RPL28: variants seen among roughly 807,000 people sequenced by gnomAD.
RPL28 encodes large ribosomal subunit protein eL28.
RPL28 carries 4 observed loss-of-function variants against 12.5 expected under a neutral mutation model. The observed-to-expected ratio is 0.32, with a 90% confidence interval of 0.16 to 0.73. The LOEUF (loss-of-function observed/expected upper bound fraction) is 0.73, where lower values mean the gene tolerates loss of function less well. Among genes scored for constraint, RPL28 ranks in the 30% least tolerant of loss-of-function variants. The pLI, the probability that RPL28 is intolerant of heterozygous loss-of-function variation, is 0.66. For synonymous variants in RPL28, 91 were observed against 72.5 expected (o/e 1.26, Z -1.30); for missense variants, 214 against 197.7 (o/e 1.08, Z -0.49).
downstream of RPL28, among the ~76,000 whole-genome samples, chr19:55,396,707 A>T (rs1460579568): frequency 6.9e-6 from 1 of 145,350 alleles, no homozygotes; most frequent in East Asian, 2.1e-4. Flanking sequence ...CAGCCTCCCG[A>T]GTAACTGGGA....
In RPL28 at chr19:55,389,176, T is replaced by C; in HGVS notation, c.*844T>C. On this transcript the variant is annotated 3_prime_UTR_variant, in exon 5 of 5. Coordinates refer to ENST00000344063, the MANE Select transcript of RPL28 (RefSeq NM_000991.5). ...TTTGAGACCATCCTAGGCAACATAA[T>C]GAGACACCGTCTCTAAAATAAAATT... 1 of 973,758 alleles carries C rather than the reference T, an allele frequency of 1.0e-6. No individual in the cohort carries two copies. The highest frequency in any genetic ancestry group is 1.2e-6 in the Non-Finnish European group (1 of 819,740). The allele number at this position is 973,758 out of a possible 1,614,324, so 60.3% of individuals were successfully genotyped here.
At chr19:55,392,537 CT>C (rs377688364), downstream of RPL28, among the ~76,000 whole-genome samples, 4,849 of 144,922 alleles carry the variant, frequency 0.033, 254 homozygotes, top group African/African-American at 0.11. Context: ...CCAGCCTCAT[CT>C]TTTTTTTTTT....
Position 55,389,874 on chromosome 19 carries a change from T to G in RPL28, c.*1542T>G, listed in dbSNP as rs2089973896. On this transcript the variant is annotated 3_prime_UTR_variant, in exon 5 of 5. Transcript: ENST00000344063. ...CCTCCAGCTGGCCTCACTCCGCTGG[T>G]GACTTCGTACCTGCTCAGGAGCCCC... is the stretch of plus-strand genomic sequence containing the variant. 1.0e-6 allele frequency: 1 copy of G among 985,384 alleles called. No homozygotes were observed. Among genetic ancestry groups the G allele is most frequent in the South Asian group, 4.7e-5 (1 of 21,274 alleles). The allele number at this position is 985,384 out of a possible 1,614,324, so 61.0% of individuals were successfully genotyped here.
downstream of RPL28, among the ~76,000 whole-genome samples, chr19:55,395,826 A>G (rs1040627806): frequency 2.6e-5 from 4 of 152,162 alleles, no homozygotes; most frequent in African/African-American, 9.7e-5. Flanking sequence ...AGTTCCCTTG[A>G]TCAGGGACAA....
chr19:55,392,111 G>T, downstream of RPL28: 1 of 992,104 alleles, frequency 1.0e-6, no homozygotes. Context: ...TATGCATGTG[G>T]TCTTGAAAAA....
At chr19:55,394,294 C>T (rs1369787905), downstream of RPL28, among the ~76,000 whole-genome samples, 1 of 152,200 alleles carries the variant, frequency 6.6e-6, no homozygotes, top group Admixed American at 6.5e-5. Context: ...AGATAAAGGT[C>T]TGTTGCTCAG....
downstream of RPL28, among the ~76,000 whole-genome samples, chr19:55,393,630 TG>T (rs1454955878): frequency 4.9e-5 from 7 of 142,480 alleles, no homozygotes; most frequent in African/African-American, 1.6e-4. Flanking sequence ...ATCACCAATT[TG>T]TTTTTTTTTT....
chr19:55,387,721 G>T, intron 3 of RPL28: 1 of 1,420,330 alleles, frequency 7.0e-7, no homozygotes, highest in Non-Finnish European at 9.1e-7. Flanking sequence ...TATGAGTGTG[G>T]CAGAAGCTGT....
At chr19:55,387,566 G>A (rs1346771044) in intron 3 of RPL28, 1 of 1,426,352 alleles carries the variant, frequency 7.0e-7, no homozygotes, top group Non-Finnish European at 9.1e-7. Context: ...AACCACTGCT[G>A]TGGGGATGGG....
intron 4 of RPL28, among the ~76,000 whole-genome samples, chr19:55,398,387 C>T (rs901980236): frequency 6.6e-6 from 1 of 152,176 alleles, no homozygotes; most frequent in Admixed American, 6.5e-5. Context: ...GACTTGACTA[C>T]AAAGTTTCAA....
intron 2 of RPL28, 39 bp downstream of exon 2, chr19:55,386,477 G>T: frequency 1.9e-6 from 3 of 1,609,786 alleles, no homozygotes; most frequent in African/African-American, 1.3e-5. Context: ...GCGGGAGGAG[G>T]GTCCTGAGTC....
At chr19:55,392,611 A>C (rs951560350), downstream of RPL28, among the ~76,000 whole-genome samples, 4 of 148,200 alleles carry the variant, frequency 2.7e-5, no homozygotes, top group Non-Finnish European at 4.4e-5. Context: ...CGGGTGAGCT[A>C]CGCCTCCCAG....
In RPL28 at chr19:55,388,297, A is replaced by G. The variant is rs1319950665; in HGVS notation, c.379A>G (p.Lys127Glu). Residue 127 changes from lysine to glutamate, a missense_variant, in exon 5 of 5, where the codon AAG (lysine) becomes GAG (glutamate). By Grantham distance (56) the Lys-to-Glu change is moderately conservative. Coordinates refer to ENST00000344063, the MANE Select transcript of RPL28 (RefSeq NM_000991.5). ...ILRSQKPVMV[K>E]RKRTRPTKSS ...GCGCAGCCAGAAGCCTGTGATGGTG[A>G]AGAGGAAGCGGACCCGCCCCACCAA... The G allele has an allele frequency of 1.3e-6, 2 of 1,584,420 alleles. No individual in the cohort carries two copies. Among genetic ancestry groups the G allele is most frequent in the Non-Finnish European group, 8.6e-7 (1 of 1,165,744 alleles).
At chr19:55,400,288 A>G (rs1220071923) in intron 4 of RPL28, 1 of 152,194 alleles carries the variant, frequency 6.6e-6, no homozygotes, top group Non-Finnish European at 1.5e-5. Flanking sequence ...TAAAGTTGGG[A>G]TTACAGGCGT....
At chr19:55,402,956 T>G (rs1276093258) in exon 5 of RPL28, 2 of 1,533,114 alleles carry the variant, frequency 1.3e-6, no homozygotes, top group Non-Finnish European at 1.7e-6. Context: ...GCGGGAAGGG[T>G]TGGGAGGCAG....
At chr19:55,401,539 C>T (rs762811480) in intron 4 of RPL28, 10 of 1,610,716 alleles carry the variant, frequency 6.2e-6, no homozygotes, top group South Asian at 1.1e-5. Flanking sequence ...CTCAGCCCCT[C>T]CCGGGCCCCC....
chr19:55,387,495 C>G lies in RPL28; in HGVS notation c.206-435C>G, dbSNP rs779112862. The G allele has an allele frequency of 4.8e-6, 7 of 1,456,056 alleles. No individual in the cohort carries two copies. In the East Asian group the frequency reaches 1.7e-4, roughly 36 times the overall value. The allele number at this position is 1,456,056 out of a possible 1,614,324, so 90.2% of individuals were successfully genotyped here. A position where few individuals can be genotyped will look rare whatever the true frequency, so the allele number is the denominator to read the frequency against. On this transcript the variant is annotated intron_variant, in intron 3 of 4. Coordinates refer to ENST00000344063, the MANE Select transcript of RPL28 (RefSeq NM_000991.5). ...CTTGGATTGCCGAATACATGGGTGG[C>G]CCTTCCTAGACTAAGGGACTGGCCT...
At position 55,388,753 on chromosome 19, in the gene RPL28, G is replaced by T; in HGVS notation, c.*421G>T. On this transcript the variant is annotated 3_prime_UTR_variant, in exon 5 of 5. Transcript: ENST00000344063. ...GTTTGGGGACTTGGGGTGTTCCCAAGACCTGGGGGACGACAGACATCACGG... is the reference window on the plus strand; with the variant it reads ...GTTTGGGGACTTGGGGTGTTCCCAATACCTGGGGGACGACAGACATCACGG... 1 of 1,010,118 alleles carries T rather than the reference G, an allele frequency of 9.9e-7. No homozygotes were observed. The highest frequency in any genetic ancestry group is 1.2e-6 in the Non-Finnish European group (1 of 846,880). The allele number at this position is 1,010,118 out of a possible 1,614,324, so 62.6% of individuals were successfully genotyped here.
intron 4 of RPL28, chr19:55,400,180 T>C (rs2090046687): frequency 6.6e-6 from 1 of 152,196 alleles, no homozygotes; most frequent in South Asian, 2.1e-4. Flanking sequence ...CTTGTAGATT[T>C]TTATTGTAAA....
Sources: gnomAD v4.1 joint callset for allele counts (sites outside exome capture counted in the v4.1 genomes callset) on GRCh38, gnomAD v4.1.1 for gene constraint, MANE v1.5 for transcripts, NCBI Gene and HGNC (gene_info 2026-07-23, HGNC 2026-07-21) for gene names.